CSMD1: variants seen among roughly 807,000 people sequenced by gnomAD.
The protein encoded by CSMD1 is CUB and Sushi multiple domains 1.
A neutral mutation model predicts 417.5 loss-of-function variants in CSMD1; 213 were observed. That is an observed-to-expected ratio of 0.51 (90% confidence interval 0.46 to 0.57). CSMD1 has a LOEUF of 0.57. CSMD1 is among the 20% of genes least tolerant of loss of function. The pLI, the probability that CSMD1 is intolerant of heterozygous loss-of-function variation, is 0.00. For synonymous variants in CSMD1, 2,862 were observed against 1,736.8 expected, an observed-to-expected ratio of 1.65 and a Z score of -16.11; for missense variants, 6,923 against 4,529.7, an observed-to-expected ratio of 1.53 and a Z score of -15.17.
At chr8:4,707,084 G>A (rs1159555383) in intron 1 of CSMD1, among the ~76,000 whole-genome samples, 1 of 152,174 alleles carries the variant, frequency 6.6e-6, no homozygotes, top group African/African-American at 2.4e-5. Flanking sequence ...GATCACCCTG[G>A]CAGCTGTGTG....
chr8:4,307,982 G>T (rs1029840855), intron 3 of CSMD1, among the ~76,000 whole-genome samples: 1 of 152,104 alleles, frequency 6.6e-6, no homozygotes, highest in African/African-American at 2.4e-5. Context: ...AATTACAGAG[G>T]CTCAAGGAGG....
chr8:3,840,304 G>A (rs1437135836), intron 5 of CSMD1, among the ~76,000 whole-genome samples: 1 of 152,146 alleles, frequency 6.6e-6, no homozygotes, highest in Non-Finnish European at 1.5e-5. Context: ...AGGAGGCTGA[G>A]GTGCCAACTA....
At chr8:4,914,884 A>C (rs1040582699) in intron 1 of CSMD1, among the ~76,000 whole-genome samples, 15 of 152,198 alleles carry the variant, frequency 9.9e-5, no homozygotes, top group African/African-American at 3.6e-4. Context: ...CTCACAAGAA[A>C]GACATGGGGT....
At chr8:3,986,153 C>T (rs762849133) in intron 5 of CSMD1, among the ~76,000 whole-genome samples, 8 of 152,052 alleles carry the variant, frequency 5.3e-5, no homozygotes, top group Admixed American at 6.5e-5. Context: ...AAGGCATCAC[C>T]TTAAAGTCTC....
chr8:3,765,742 G>T (rs999323979), intron 5 of CSMD1, among the ~76,000 whole-genome samples: 1 of 152,158 alleles, frequency 6.6e-6, no homozygotes, highest in Non-Finnish European at 1.5e-5. Context: ...GCGCCCAGGG[G>T]GTGAGATCTG....
At chr8:4,069,754 T>C (rs1055579592) in intron 3 of CSMD1, among the ~76,000 whole-genome samples, 1 of 152,178 alleles carries the variant, frequency 6.6e-6, no homozygotes, top group African/African-American at 2.4e-5. Context: ...TGCTGTCTAC[T>C]TCACCTTTAT....
intron 26 of CSMD1, among the ~76,000 whole-genome samples, chr8:3,243,405 G>A (rs1799672032): frequency 6.6e-6 from 1 of 151,580 alleles, no homozygotes; most frequent in Non-Finnish European, 1.5e-5. Context: ...CAGGTGGGCT[G>A]AGTCCGAAAA....
intron 3 of CSMD1, among the ~76,000 whole-genome samples, chr8:4,248,109 C>T (rs888703978): frequency 6.6e-6 from 1 of 151,686 alleles, no homozygotes; most frequent in Non-Finnish European, 1.5e-5. Flanking sequence ...TGTATATTTC[C>T]AGTTTATTTT....
At chr8:4,919,842 T>C (rs1312406239) in intron 1 of CSMD1, among the ~76,000 whole-genome samples, 1 of 152,114 alleles carries the variant, frequency 6.6e-6, no homozygotes, top group Non-Finnish European at 1.5e-5. Flanking sequence ...TTTTGCCCTT[T>C]CACCTTCTTT....
intron 1 of CSMD1, among the ~76,000 whole-genome samples, chr8:4,730,158 G>A (rs1391619866): frequency 6.6e-6 from 1 of 152,038 alleles, no homozygotes; most frequent in African/African-American, 2.4e-5. Context: ...AGAATGCAAA[G>A]CATGGTCTCA....
rs78640989 is a variant in CSMD1, at chr8:4,042,592, A to G, written c.416-10493T>C. ...GGTAATAGCATAGTAAGGAATTCCA[A>G]GCACCAGGAATGATACCCGTATGGG... On this transcript the variant is annotated intron_variant, in intron 3 of 69. Coordinates refer to ENST00000635120, the MANE Select transcript of CSMD1 (RefSeq NM_033225.6). Among the ~76,000 whole-genome samples, 15 of 152,158 alleles carry G rather than the reference A, an allele frequency of 9.9e-5. No homozygotes were observed. The East Asian group carries it at 2.5e-3, about 25-fold the overall frequency.
intron 1 of CSMD1, among the ~76,000 whole-genome samples, chr8:4,664,158 T>C (rs1232619089): frequency 2.0e-5 from 3 of 152,222 alleles, no homozygotes; most frequent in Non-Finnish European, 2.9e-5. Context: ...AAGAGAGAGA[T>C]ACTCTCCCTG....
rs546990213 is a variant in CSMD1 at position 3,404,907 on chromosome 8, A to G, written c.2266+1120T>C. Among the ~76,000 whole-genome samples, 3 of 152,124 alleles carry G rather than the reference A, an allele frequency of 2.0e-5. No individual in the cohort carries two copies. In the South Asian group the frequency reaches 6.2e-4, roughly 32 times the overall value. On this transcript the variant is annotated intron_variant, in intron 15 of 69. Coordinates refer to ENST00000635120, the MANE Select transcript of CSMD1 (RefSeq NM_033225.6). ...GCTGTTTGAAGCTGAATCATTTCCA[A>G]CTCTTCACTGCTATAAATAGTCTTG...
intron 3 of CSMD1, among the ~76,000 whole-genome samples, chr8:4,288,274 A>C (rs11787185): frequency 0.51 from 77,507 of 151,962 alleles, 20,205 homozygotes; most frequent in East Asian, 0.88. Context: ...CCCACTGGGA[A>C]CAGTAAGCTC....
At chr8:3,723,459 A>T (rs892053206) in intron 6 of CSMD1, among the ~76,000 whole-genome samples, 2 of 152,316 alleles carry the variant, frequency 1.3e-5, no homozygotes, top group Non-Finnish European at 2.9e-5. Context: ...GATCATGGGA[A>T]ACTACCTTAG....
At chr8:3,878,348 T>C (rs1805971271) in intron 5 of CSMD1, among the ~76,000 whole-genome samples, 1 of 152,178 alleles carries the variant, frequency 6.6e-6, no homozygotes, top group African/African-American at 2.4e-5. Flanking sequence ...CTTACACGTG[T>C]ATCTTCTTTA....
intron 3 of CSMD1, among the ~76,000 whole-genome samples, chr8:4,043,464 C>G (rs186940317): frequency 1.3e-5 from 2 of 152,104 alleles, no homozygotes; most frequent in Non-Finnish European, 2.9e-5. Flanking sequence ...GAAAAATACA[C>G]CCAGTGTTAT....
At chr8:4,837,026 T>C (rs765408095) in intron 1 of CSMD1, among the ~76,000 whole-genome samples, 8 of 147,430 alleles carry the variant, frequency 5.4e-5, no homozygotes, top group Non-Finnish European at 9.0e-5. Flanking sequence ...GGCCTTGATG[T>C]TGTTGTTGTT....
chr8:4,645,638 G>C (rs1182434685), intron 1 of CSMD1, among the ~76,000 whole-genome samples: 1 of 152,002 alleles, frequency 6.6e-6, no homozygotes, highest in African/African-American at 2.4e-5. Context: ...GGCAAAAAGA[G>C]ATGTCGAAGG....
Sources: gnomAD v4.1 joint callset for allele counts (sites outside exome capture counted in the v4.1 genomes callset) on GRCh38, gnomAD v4.1.1 for gene constraint, MANE v1.5 for transcripts, NCBI Gene and HGNC (gene_info 2026-07-23, HGNC 2026-07-21) for gene names.